Variants in LMO7 observed in about 807,000 individuals in gnomAD.
The protein encoded by LMO7 is LIM domain 7.
In LMO7, 120 loss-of-function variants were observed where a neutral mutation model predicts 206.5. The ratio of observed to expected loss-of-function variants is 0.58; its 90% CI spans 0.50 to 0.68. The LOEUF (loss-of-function observed/expected upper bound fraction) is 0.68. LMO7 is among the 30% of genes least tolerant of loss of function. LMO7 has a pLI of 0.00. For synonymous variants in LMO7, 706 were observed against 681.5 expected, an observed-to-expected ratio of 1.04 and a Z score of -0.56; for missense variants, 1,959 against 1,957.9, an observed-to-expected ratio of 1.00 and a Z score of -0.01.
At chr13:75,693,433 T>C (rs2041650505) in intron 1 of LMO7, among the ~76,000 whole-genome samples, 1 of 144,542 alleles carries the variant, frequency 6.9e-6, no homozygotes. Context: ...GGATCTCCCC[T>C]GTCTGTGGCT....
intron 1 of LMO7, among the ~76,000 whole-genome samples, chr13:75,710,413 G>C (rs533909752): frequency 2.6e-5 from 4 of 152,256 alleles, no homozygotes; most frequent in South Asian, 2.1e-4. Flanking sequence ...TCATGATATT[G>C]ATTCTTCTAT....
chr13:75,768,351 T>A (rs753534255), intron 4 of LMO7, among the ~76,000 whole-genome samples: 1 of 152,090 alleles, frequency 6.6e-6, no homozygotes, highest in African/African-American at 2.4e-5. Context: ...CATTTATGGT[T>A]AATCAAATTG....
At chr13:75,770,641 T>C (rs1297260827) in intron 4 of LMO7, among the ~76,000 whole-genome samples, 1 of 152,126 alleles carries the variant, frequency 6.6e-6, no homozygotes, top group Non-Finnish European at 1.5e-5. Context: ...TTTGGAGTGA[T>C]GAATAGCAAC....
intron 1 of LMO7, among the ~76,000 whole-genome samples, chr13:75,650,191 G>T (rs1414931182): frequency 6.6e-6 from 1 of 151,686 alleles, no homozygotes; most frequent in East Asian, 1.9e-4. Context: ...GTGCAGTGGC[G>T]TGAGCTAGGC....
At chr13:75,627,110 A>T (rs1593850439) in intron 2 of LMO7, 1 of 152,152 alleles carries the variant, frequency 6.6e-6, no homozygotes, top group Admixed American at 6.5e-5. Context: ...AAGAATTGCA[A>T]TTACAATTCT....
chr13:75,791,442 G>T (rs2053271573), intron 4 of LMO7, among the ~76,000 whole-genome samples: 1 of 152,006 alleles, frequency 6.6e-6, no homozygotes. Flanking sequence ...ATCATTTCAG[G>T]CTTTTTATTG....
chr13:75,655,846 G>C (rs1187623616), intron 1 of LMO7, among the ~76,000 whole-genome samples: 2 of 151,972 alleles, frequency 1.3e-5, no homozygotes, highest in African/African-American at 4.8e-5. Flanking sequence ...TGGGCCCCCT[G>C]AGGTGTGTGG....
chr13:75,797,118 G>C (rs2054120310), intron 6 of LMO7, among the ~76,000 whole-genome samples: 1 of 152,162 alleles, frequency 6.6e-6, no homozygotes, highest in Admixed American at 6.5e-5. Flanking sequence ...TTCCTGGACT[G>C]TTCACGCGCA....
intron 1 of LMO7, among the ~76,000 whole-genome samples, chr13:75,705,442 G>A (rs1338182387): frequency 6.6e-6 from 1 of 152,140 alleles, no homozygotes; most frequent in Non-Finnish European, 1.5e-5. Context: ...TTATTTAACT[G>A]CCTTAGGAAA....
intron 28 of LMO7, among the ~76,000 whole-genome samples, chr13:75,854,131 A>T (rs1189868229): frequency 6.6e-6 from 1 of 152,168 alleles, no homozygotes; most frequent in Non-Finnish European, 1.5e-5. Context: ...TTCATGCCTC[A>T]TGTAAGTATA....
In LMO7 at chr13:75,856,516, G is replaced by A. The variant is rs1175770264; in HGVS notation, c.4781G>A (p.Cys1594Tyr). 1 of 1,604,624 alleles carries A rather than the reference G, an allele frequency of 6.2e-7. No individual in the cohort carries two copies. The highest frequency in any genetic ancestry group is 2.2e-5 in the East Asian group (1 of 44,734). ...TTTTTTGTTCCCCAGTGTGTTGCCT[G>A]TGAGTGTGACCTCGGAGGCTCTTCC... is the stretch of plus-strand genomic sequence containing the variant. ...YHLHCFKCVACECDLGGSSSG... is the reference protein window; with the variant it reads ...YHLHCFKCVAYECDLGGSSSG... Residue 1594 changes from cysteine (C) to tyrosine (Y), a missense_variant, in exon 30 of 31, where the codon TGT (cysteine) becomes TAT (tyrosine). Physicochemically the swap from Cys to Tyr is radical, Grantham distance 194. Transcript: ENST00000377534.
At chr13:75,754,907 A>G (rs914151039) in intron 3 of LMO7, among the ~76,000 whole-genome samples, 2 of 152,250 alleles carry the variant, frequency 1.3e-5, no homozygotes, top group African/African-American at 4.8e-5. Flanking sequence ...TTATAATGGA[A>G]ATAGAGAAGA....
Position 75,670,160 on chromosome 13 carries a change from CG to C in LMO7, c.69+33435del, listed in dbSNP as rs1178580067. Among the ~76,000 whole-genome samples the C allele has an allele frequency of 5.3e-5, 8 of 152,258 alleles. No individual in the cohort carries two copies. In the East Asian group the frequency reaches 1.5e-3, roughly 29 times the overall value. ...CTCTTTGCTTAATAGGAGAGAACTT[CG>C]ATTGTTGGGAAGATGCTAGGATGAA... On this transcript the variant is annotated intron_variant, in intron 1 of 30. Coordinates refer to ENST00000377534, the MANE Select transcript of LMO7 (RefSeq NM_001306080.2).
intron 3 of LMO7, among the ~76,000 whole-genome samples, chr13:75,756,642 C>G (rs1042115076): frequency 6.6e-6 from 1 of 152,152 alleles, no homozygotes; most frequent in Admixed American, 6.5e-5. Flanking sequence ...ACTCTCTGAC[C>G]TAGAGTGTCT....
rs191571914 is a variant in LMO7, at chr13:75,830,635, G to A, written c.2950-2416G>A. 2.1e-3 allele frequency among the ~76,000 whole-genome samples: 326 copies of A among 152,242 alleles called. 1 individual carries two copies. Among genetic ancestry groups the A allele is most frequent in the African/African-American group, 7.5e-3 (312 of 41,546 alleles). ...CTGTTAAGCCTTTCAAAGAGGAGGAGGTTATCTGCCCTTTTATTAATATTT... is the reference window on the plus strand; with the variant it reads ...CTGTTAAGCCTTTCAAAGAGGAGGAAGTTATCTGCCCTTTTATTAATATTT... On this transcript the variant is annotated intron_variant, in intron 15 of 30. Coordinates refer to ENST00000377534, the MANE Select transcript of LMO7 (RefSeq NM_001306080.2).
chr13:75,828,672 A>G (rs1431879951), intron 15 of LMO7, among the ~76,000 whole-genome samples: 3 of 152,248 alleles, frequency 2.0e-5, no homozygotes, highest in Non-Finnish European at 2.9e-5. Flanking sequence ...AGCATGTTCT[A>G]TAACTAAAGT....
chr13:75,639,311 T>C (rs1348462247), intron 1 of LMO7, among the ~76,000 whole-genome samples: 1 of 152,232 alleles, frequency 6.6e-6, no homozygotes. Context: ...ACTTATATAC[T>C]TGAGTATATA....
At chr13:75,846,777 A>C (rs1482442215) in intron 26 of LMO7, among the ~76,000 whole-genome samples, 1 of 152,232 alleles carries the variant, frequency 6.6e-6, no homozygotes, top group African/African-American at 2.4e-5. Context: ...ACTTGGTTAT[A>C]CCAAAATGAC....
At chr13:75,755,062 A>G (rs1295096203) in intron 3 of LMO7, among the ~76,000 whole-genome samples, 1 of 152,172 alleles carries the variant, frequency 6.6e-6, no homozygotes, top group Non-Finnish European at 1.5e-5. Flanking sequence ...GGGATGAGGC[A>G]TTCCAACACT....
Sources: allele counts gnomAD v4.1 joint callset (sites outside exome capture counted in the v4.1 genomes callset), GRCh38; gene constraint gnomAD v4.1.1; transcripts MANE v1.5; gene names NCBI Gene and HGNC (gene_info 2026-07-23, HGNC 2026-07-21).